Variants in ITCH observed in about 807,000 individuals in gnomAD.
ITCH encodes the protein itchy E3 ubiquitin protein ligase.
In ITCH, 28 loss-of-function variants were observed where a neutral mutation model predicts 126.8. That is an observed-to-expected ratio of 0.22 (90% CI 0.16 to 0.30). The LOEUF (loss-of-function observed/expected upper bound fraction) is 0.30. Among genes scored for constraint, ITCH ranks in the 10% least tolerant of loss-of-function variants. The probability of loss-of-function intolerance (pLI) is 1.00; values close to 1 mark genes in which losing one functional copy is unlikely to be tolerated. For missense variants in ITCH, 631 were observed against 1,032.4 expected, an observed-to-expected ratio of 0.61 and a Z score of 5.33; for synonymous variants, 342 against 340.0, an observed-to-expected ratio of 1.01 and a Z score of -0.06.
At chr20:34,389,358 A>G (rs927258274) in intron 2 of ITCH, among the ~76,000 whole-genome samples, 2 of 152,044 alleles carry the variant, frequency 1.3e-5, no homozygotes, top group Non-Finnish European at 2.9e-5. Context: ...ATATAAGTGG[A>G]TCTGTGCAGT....
intron 3 of ITCH, among the ~76,000 whole-genome samples, chr20:34,404,135 CCT>C (rs1412580525): frequency 1.3e-5 from 2 of 151,978 alleles, no homozygotes; most frequent in African/African-American, 4.8e-5. Flanking sequence ...TGTTTAGAGG[CCT>C]CTCATAGTAG....
intron 15 of ITCH, among the ~76,000 whole-genome samples, chr20:34,470,860 C>T (rs1338419075): frequency 2.6e-5 from 4 of 152,224 alleles, no homozygotes; most frequent in Non-Finnish European, 4.4e-5. Context: ...GCTGGGATTA[C>T]AGGCATAAAC....
chr20:34,438,380 T>TTTTTTA, intron 7 of ITCH, 94 bp from the exon 8 acceptor site: 1 of 1,364,846 alleles, frequency 7.3e-7, no homozygotes, highest in East Asian at 2.3e-5. Flanking sequence ...CTTAAAAACT[T>TTTTTTA]AGAAGTTTTC....
chr20:34,411,892 A>G (rs937390213), intron 4 of ITCH, among the ~76,000 whole-genome samples: 1 of 152,198 alleles, frequency 6.6e-6, no homozygotes. Context: ...GGAATGAGTG[A>G]GTCTATATTT....
At chr20:34,447,860 T>A (rs1245836395) in intron 11 of ITCH, among the ~76,000 whole-genome samples, 1 of 152,134 alleles carries the variant, frequency 6.6e-6, no homozygotes, top group Non-Finnish European at 1.5e-5. Context: ...ATCAACCAGG[T>A]TTCTGTAGTA....
chr20:34,462,307 A>T, intron 14 of ITCH, 86 bp downstream of exon 14: 1 of 1,389,446 alleles, frequency 7.2e-7, no homozygotes, highest in Non-Finnish European at 1.0e-6. Flanking sequence ...AAGGAGTGGA[A>T]GTCTTAGTAT....
At chr20:34,390,817 A>G (rs140738759) in intron 2 of ITCH, among the ~76,000 whole-genome samples, 85 of 151,570 alleles carry the variant, frequency 5.6e-4, no homozygotes, top group African/African-American at 1.9e-3. Context: ...CTGGAGTGCA[A>G]TGGCGCAATC....
chr20:34,446,704 A>G (rs1984513566), intron 11 of ITCH, among the ~76,000 whole-genome samples: 1 of 151,900 alleles, frequency 6.6e-6, no homozygotes, highest in South Asian at 2.1e-4. Flanking sequence ...GCCTGGCCAA[A>G]TTTCTTCTAG....
In ITCH at chr20:34,495,322, C is replaced by CACAT. The variant is rs1491160174; in HGVS notation, c.2416+2725_2416+2726insACAT. On this transcript the variant is annotated intron_variant, in intron 23 of 24. Coordinates refer to ENST00000374864, the MANE Select transcript of ITCH (RefSeq NM_031483.7). ...ATATATATATATATATATATACACA[C>CACAT]GCACACACACACACGGTAAATTGTT... is the stretch of plus-strand genomic sequence containing the variant. Among the ~76,000 whole-genome samples, 34 of 144,726 alleles carry CACAT rather than the reference C, an allele frequency of 2.3e-4. No homozygotes were observed. In the East Asian group the frequency reaches 5.2e-3, roughly 22 times the overall value. The allele number at this position is 144,726 out of a possible 152,430, so 94.9% of individuals were successfully genotyped here.
chr20:34,394,524 A>T (rs2038604859), intron 3 of ITCH, among the ~76,000 whole-genome samples: 1 of 152,174 alleles, frequency 6.6e-6, no homozygotes, highest in Non-Finnish European at 1.5e-5. Flanking sequence ...TGGTGACTAC[A>T]GTCGTGCACC....
intron 11 of ITCH, among the ~76,000 whole-genome samples, chr20:34,448,330 C>T (rs954698886): frequency 1.8e-4 from 28 of 151,572 alleles, no homozygotes; most frequent in African/African-American, 6.5e-4. Flanking sequence ...GAGCCGGAGG[C>T]TACAGTGAGC....
intron 14 of ITCH, among the ~76,000 whole-genome samples, chr20:34,467,755 G>A (rs1173238340): frequency 7.6e-6 from 1 of 130,782 alleles, no homozygotes; most frequent in Non-Finnish European, 1.5e-5. Context: ...GCCCAATCTC[G>A]GCTCACCGCA....
intron 4 of ITCH, among the ~76,000 whole-genome samples, chr20:34,410,251 C>T (rs1321002652): frequency 6.6e-6 from 1 of 151,708 alleles, no homozygotes; most frequent in Non-Finnish European, 1.5e-5. Flanking sequence ...GCCTGTAATC[C>T]CAGCTACTCG....
At chr20:34,417,109 T>C in intron 6 of ITCH, 1 of 663,664 alleles carries the variant, frequency 1.5e-6, no homozygotes, top group Non-Finnish European at 2.8e-6. Context: ...ACTTTTTTTT[T>C]TTTTTAGATG....
At chr20:34,394,311 T>C (rs1451602016) in intron 3 of ITCH, among the ~76,000 whole-genome samples, 11 of 151,962 alleles carry the variant, frequency 7.2e-5, no homozygotes, top group Non-Finnish European at 8.8e-5. Context: ...AATGAAGATA[T>C]ATAGATATGT....
At chr20:34,431,676 T>G (rs1982312236) in intron 7 of ITCH, among the ~76,000 whole-genome samples, 1 of 152,050 alleles carries the variant, frequency 6.6e-6, no homozygotes, top group South Asian at 2.1e-4. Context: ...AAAAAAGGGA[T>G]GATGAGAAGT....
intron 20 of ITCH, among the ~76,000 whole-genome samples, chr20:34,483,520 CT>C (rs1374336541): frequency 1.3e-5 from 2 of 152,212 alleles, no homozygotes; most frequent in Non-Finnish European, 2.9e-5. Flanking sequence ...CTGCCAGTCT[CT>C]TTGCTAAAAC....
chr20:34,436,958 C>T lies in ITCH; in HGVS notation c.522-1516C>T, dbSNP rs557925905. On this transcript the variant is annotated intron_variant, in intron 7 of 24. Coordinates refer to ENST00000374864, the MANE Select transcript of ITCH (RefSeq NM_031483.7). ...CCTGGGCAACATGGCGAAACCCTGT[C>T]TCTACGAAATACACAAAAGAATTAG... is the stretch of plus-strand genomic sequence containing the variant. Among the ~76,000 whole-genome samples, 139 of 152,196 alleles carry T rather than the reference C, an allele frequency of 9.1e-4. 1 individual carries two copies. The highest frequency in any genetic ancestry group is 3.3e-3 in the African/African-American group (135 of 41,530).
chr20:34,403,463 CAG>C (rs2038953741), intron 3 of ITCH, among the ~76,000 whole-genome samples: 1 of 152,184 alleles, frequency 6.6e-6, no homozygotes, highest in South Asian at 2.1e-4. Context: ...TATAATAAAG[CAG>C]AGAGACAGAG....
Sources: allele counts gnomAD v4.1 joint callset (sites outside exome capture counted in the v4.1 genomes callset), GRCh38; gene constraint gnomAD v4.1.1; transcripts MANE v1.5; gene names NCBI Gene and HGNC (gene_info 2026-07-23, HGNC 2026-07-21).